The following LRP2 variants were observed in gnomAD, a reference collection of about 807,000 sequenced individuals.
LRP2 encodes LDL receptor related protein 2, also known as low-density lipoprotein receptor-related protein 2.
Under a neutral mutation model 531.0 loss-of-function variants are expected in LRP2, and 172 were observed. The ratio of observed to expected loss-of-function variants is 0.32; its 90% CI spans 0.29 to 0.37. The LOEUF is 0.37. LRP2 is among the 10% of genes least tolerant of loss of function. The pLI is 1.00. For missense variants in LRP2, 5,167 were observed against 5,868.3 expected, an observed-to-expected ratio of 0.88 and a Z score of 3.90; for synonymous variants, 1,992 against 2,027.6, an observed-to-expected ratio of 0.98 and a Z score of 0.47.
intron 1 of LRP2, among the ~76,000 whole-genome samples, chr2:169,322,482 G>T (rs188417185): frequency 2.0e-5 from 3 of 152,122 alleles, no homozygotes; most frequent in Admixed American, 6.5e-5. Flanking sequence ...TGGGGTTGGT[G>T]GTGCAGGTCT....
At chr2:169,303,551 T>C (rs903166861) in intron 4 of LRP2, among the ~76,000 whole-genome samples, 2 of 152,202 alleles carry the variant, frequency 1.3e-5, no homozygotes, top group African/African-American at 4.8e-5. Flanking sequence ...ACCCATCCCC[T>C]ATACTAGCAT....
At chr2:169,137,632 A>G in intron 75 of LRP2, 139 bp from the exon 76 acceptor site, 1 of 371,460 alleles carries the variant, frequency 2.7e-6, no homozygotes, top group Non-Finnish European at 4.9e-6. Flanking sequence ...GTCATAAGTT[A>G]CCCAAAAGAG....
chr2:169,315,063 G>C (rs1189438674), intron 3 of LRP2, among the ~76,000 whole-genome samples: 1 of 152,056 alleles, frequency 6.6e-6, no homozygotes, highest in African/African-American at 2.4e-5. Flanking sequence ...GTTTTCAAAG[G>C]GCTTACGAAG....
At position 169,128,620 on chromosome 2, in the gene LRP2, T is replaced by C. The variant is rs767273507; in HGVS notation, c.*43A>G. On this transcript the variant is annotated 3_prime_UTR_variant, in exon 79 of 79. Coordinates refer to ENST00000649046, the MANE Select transcript of LRP2 (RefSeq NM_004525.3). ...TTCATCTGTTTGTAAAAAATATATG[T>C]GCAAAAGTGTGTTTCTAATTATTCC... 2 of 1,571,266 alleles carry C rather than the reference T, an allele frequency of 1.3e-6. No homozygotes were observed. The highest frequency in any genetic ancestry group is 1.1e-5 in the South Asian group (1 of 90,124).
chr2:169,146,350 C>T (rs1384059771), intron 69 of LRP2, among the ~76,000 whole-genome samples: 1 of 152,082 alleles, frequency 6.6e-6, no homozygotes, highest in Non-Finnish European at 1.5e-5. Flanking sequence ...ATGTTCATCT[C>T]CTAGATATTT....
chr2:169,258,618 C>A (rs1392771872), intron 17 of LRP2, among the ~76,000 whole-genome samples: 3 of 151,990 alleles, frequency 2.0e-5, no homozygotes, highest in Non-Finnish European at 4.4e-5. Context: ...ACTTTTTATT[C>A]TGAAAACTAC....
At chr2:169,281,699 C>T (rs996550682) in intron 10 of LRP2, among the ~76,000 whole-genome samples, 2 of 151,646 alleles carry the variant, frequency 1.3e-5, no homozygotes, top group African/African-American at 4.8e-5. Flanking sequence ...GCCTGGGCAA[C>T]AGAGCGAGAC....
At chr2:169,201,563 A>G in intron 44 of LRP2, 65 bp downstream of exon 44, 1 of 1,604,354 alleles carries the variant, frequency 6.2e-7, no homozygotes, top group East Asian at 2.2e-5. Flanking sequence ...TTATATAATA[A>G]TTTCATCTCC....
At chr2:169,224,071 G>A (rs777205000) in intron 33 of LRP2, among the ~76,000 whole-genome samples, 11 of 152,138 alleles carry the variant, frequency 7.2e-5, no homozygotes, top group Non-Finnish European at 1.5e-4. Context: ...AGATAGTACC[G>A]AACTCTACAT....
Position 169,239,019 on chromosome 2 carries a change from G to C in LRP2, c.4294+508C>G, listed in dbSNP as rs900146243. ...TGTAAGCCACATGATGAGGATAACA[G>C]AGCAGACCCCATGCCCTGGACTCTC... On this transcript the variant is annotated intron_variant, in intron 26 of 78. Transcript: ENST00000649046. 7.2e-5 allele frequency among the ~76,000 whole-genome samples: 11 copies of C among 152,308 alleles called. No individual in the cohort carries two copies. In the South Asian group the frequency reaches 2.1e-3, roughly 29 times the overall value.
At chr2:169,140,298 T>G (rs1032593500) in intron 72 of LRP2, among the ~76,000 whole-genome samples, 157 bp downstream of exon 72, 2 of 152,226 alleles carry the variant, frequency 1.3e-5, no homozygotes, top group African/African-American at 4.8e-5. Context: ...ACTGCCTCAG[T>G]TCTCTGTAGA....
At chr2:169,226,717 T>C in intron 31 of LRP2, 129 bp from the exon 32 acceptor site, 1 of 747,746 alleles carries the variant, frequency 1.3e-6, no homozygotes, top group Admixed American at 2.0e-5. Flanking sequence ...GCAATAAATA[T>C]AATGTACTTC....
intron 68 of LRP2, among the ~76,000 whole-genome samples, chr2:169,149,968 A>C (rs1450578817): frequency 6.6e-6 from 1 of 152,202 alleles, no homozygotes; most frequent in East Asian, 1.9e-4. Context: ...GGAAACAGTC[A>C]CATCATTCAC....
chr2:169,262,112 T>A (rs1387981161), intron 16 of LRP2, among the ~76,000 whole-genome samples: 1 of 151,442 alleles, frequency 6.6e-6, no homozygotes, highest in Non-Finnish European at 1.5e-5. Flanking sequence ...ATAAGAGCTA[T>A]CTATGACAAA....
chr2:169,175,037 A>C (rs1687138044), intron 55 of LRP2, among the ~76,000 whole-genome samples, 156 bp downstream of exon 55: 2 of 151,756 alleles, frequency 1.3e-5, no homozygotes, highest in Admixed American at 1.3e-4. Flanking sequence ...AAAAAAAAAA[A>C]ACTTCATAAA....
At chr2:169,133,303 C>A (rs903023939) in intron 76 of LRP2, among the ~76,000 whole-genome samples, 5 of 152,186 alleles carry the variant, frequency 3.3e-5, no homozygotes, top group African/African-American at 9.7e-5. Context: ...TAATAAACTA[C>A]AAGGTAGACA....
intron 1 of LRP2, among the ~76,000 whole-genome samples, chr2:169,348,844 C>T (rs921732908): frequency 1.3e-5 from 2 of 152,120 alleles, no homozygotes; most frequent in African/African-American, 4.8e-5. Flanking sequence ...GGAGTCAGAT[C>T]GAGAGAAACA....
intron 50 of LRP2, among the ~76,000 whole-genome samples, chr2:169,184,464 G>T (rs1687554175): frequency 6.6e-6 from 1 of 152,182 alleles, no homozygotes; most frequent in South Asian, 2.1e-4. Context: ...CTGGAGGTCT[G>T]GGCTGACTGC....
chr2:169,151,135 A>G, intron 67 of LRP2, 109 bp from the exon 68 acceptor site: 1 of 1,108,586 alleles, frequency 9.0e-7, no homozygotes. Context: ...ACAGCTGCTC[A>G]GATACCTATC....
Sources: gnomAD v4.1 joint callset for allele counts (sites outside exome capture counted in the v4.1 genomes callset) on GRCh38, gnomAD v4.1.1 for gene constraint, MANE v1.5 for transcripts, NCBI Gene and HGNC (gene_info 2026-07-23, HGNC 2026-07-21) for gene names.